The following VAV3 variants were observed in gnomAD, a reference collection of about 807,000 sequenced individuals.
VAV3 encodes guanine nucleotide exchange factor VAV3.
A neutral mutation model predicts 131.2 loss-of-function variants in VAV3; 94 were observed. The observed-to-expected ratio is 0.72, with a 90% CI of 0.61 to 0.85. The LOEUF is 0.85. Ranked by LOEUF, VAV3 falls within the 40% of genes least tolerant of loss-of-function variation. VAV3 has a pLI of 0.00. For synonymous variants in VAV3, 349 were observed against 342.0 expected (o/e 1.02, Z -0.22); for missense variants, 939 against 1,002.7 (o/e 0.94, Z 0.86).
intron 1 of VAV3, among the ~76,000 whole-genome samples, chr1:107,893,314 C>G (rs936628941): frequency 3.5e-4 from 53 of 152,258 alleles, no homozygotes; most frequent in African/African-American, 1.2e-3. Flanking sequence ...TAGGAAAATA[C>G]TTTTCCCAAA....
At chr1:107,656,033 T>C (rs1033607327) in intron 19 of VAV3, among the ~76,000 whole-genome samples, 11 of 151,844 alleles carry the variant, frequency 7.2e-5, no homozygotes, top group Non-Finnish European at 1.3e-4. Flanking sequence ...CTATGGAAAA[T>C]AGTATAGAGC....
intron 26 of VAV3, 86 bp from the exon 27 acceptor site, chr1:107,573,458 TA>T (rs1425658117): frequency 6.5e-7 from 1 of 1,527,806 alleles, no homozygotes; most frequent in African/African-American, 1.4e-5. Context: ...TTTGTTTTCA[TA>T]ACACCCCAAT....
At chr1:107,705,115 A>C in intron 15 of VAV3, 54 bp from the exon 16 acceptor site, 3 of 1,390,284 alleles carry the variant, frequency 2.2e-6, no homozygotes, top group Non-Finnish European at 3.0e-6. Context: ...CAAAGCTGCA[A>C]TTTAGTCATC....
intron 19 of VAV3, among the ~76,000 whole-genome samples, chr1:107,657,931 A>T (rs1432048973): frequency 6.6e-6 from 1 of 152,224 alleles, no homozygotes; most frequent in Non-Finnish European, 1.5e-5. Flanking sequence ...GTACAGCCAT[A>T]CGAGAGGAAA....
intron 19 of VAV3, among the ~76,000 whole-genome samples, chr1:107,658,069 T>C (rs1223716751): frequency 1.3e-5 from 2 of 151,814 alleles, no homozygotes; most frequent in African/African-American, 4.9e-5. Context: ...CTTCAATATC[T>C]CTTTCTAATG....
chr1:107,788,088 T>G (rs566070449), intron 2 of VAV3, among the ~76,000 whole-genome samples: 1 of 152,268 alleles, frequency 6.6e-6, no homozygotes, highest in Admixed American at 6.5e-5. Context: ...CTCCCATGCC[T>G]CTGCTATGTC....
At position 107,765,094 on chromosome 1, in the gene VAV3, A is replaced by G. The variant is rs1664664827; in HGVS notation, c.903T>C (p.Asp301=). ...SLDYISKTKE[D]VKLKLEECSK... ...TAGGCACCTCTAATTTCAGTTTGACATCTTCTTTTGTCTTAGAAATGTAGT... is the reference window on the plus strand; with the variant it reads ...TAGGCACCTCTAATTTCAGTTTGACGTCTTCTTTTGTCTTAGAAATGTAGT... The change falls in exon 9 of 27, where the codon GAT becomes GAC. Residue 301 remains aspartate (D), a synonymous_variant. Transcript: ENST00000370056. 1 of 1,612,892 alleles carries G rather than the reference A, an allele frequency of 6.2e-7. No individual in the cohort carries two copies. The highest frequency in any genetic ancestry group is 1.7e-5 in the Admixed American group (1 of 59,926).
chr1:107,919,089 T>G (rs893401720), intron 1 of VAV3, among the ~76,000 whole-genome samples: 1 of 152,228 alleles, frequency 6.6e-6, no homozygotes, highest in South Asian at 2.1e-4. Flanking sequence ...TCATTGGTTA[T>G]AAATTTATAA....
At chr1:107,700,985 T>C (rs1293680652) in intron 17 of VAV3, among the ~76,000 whole-genome samples, 1 of 152,208 alleles carries the variant, frequency 6.6e-6, no homozygotes, top group African/African-American at 2.4e-5. Context: ...TTTTTAATAA[T>C]TGCCATTCTG....
In VAV3 at chr1:107,798,661, G is replaced by C. The variant is rs576592060; in HGVS notation, c.322-19169C>G. ...GTGAACCCAGGAGGCGGAGGTTGCA[G>C]TGAGCCGAGATCACGCCACTGCACT... On this transcript the variant is annotated intron_variant, in intron 2 of 26. Transcript: ENST00000370056. Among the ~76,000 whole-genome samples the C allele has an allele frequency of 2.2e-5, 3 of 139,408 alleles. No homozygotes were observed. The East Asian group carries it at 6.4e-4, about 30-fold the overall frequency. The allele number at this position is 139,408 out of a possible 152,430, so 91.5% of individuals were successfully genotyped here.
At chr1:107,580,445 AC>A (rs1230131696) in intron 25 of VAV3, among the ~76,000 whole-genome samples, 1 of 152,012 alleles carries the variant, frequency 6.6e-6, no homozygotes, top group Non-Finnish European at 1.5e-5. Context: ...GATGCTGAAC[AC>A]CTATTAAATA....
intron 12 of VAV3, among the ~76,000 whole-genome samples, chr1:107,753,044 G>A (rs1217607678): frequency 6.6e-6 from 1 of 152,050 alleles, no homozygotes; most frequent in Non-Finnish European, 1.5e-5. Context: ...CTGAAAGAAG[G>A]AAGCAACCCA....
chr1:107,735,679 G>T (rs1662574147), intron 15 of VAV3, among the ~76,000 whole-genome samples: 1 of 152,086 alleles, frequency 6.6e-6, no homozygotes, highest in African/African-American at 2.4e-5. Flanking sequence ...TTCCTGAATA[G>T]ACCAATAACA....
Position 107,749,589 on chromosome 1 carries a change from A to G in VAV3, c.1265T>C (p.Ile422Thr). 6.2e-7 allele frequency: 1 copy of G among 1,609,330 alleles called. No individual in the cohort carries two copies. Among genetic ancestry groups the G allele is most frequent in the East Asian group, 2.2e-5 (1 of 44,716 alleles). The change falls in exon 14 of 27, where the codon ATC becomes ACC. Residue 422 changes from isoleucine (I) to threonine (T), a missense_variant. By Grantham distance (89) the Ile-to-Thr change is moderately conservative. Transcript: ENST00000370056. ...GATCACTGCCAAATCAAATAAGAAG[A>G]TATGCCTGGGAAAAAGAGATTGATT... ...LDKHTKQERHIFLFDLAVIVC... is the reference protein window; with the variant it reads ...LDKHTKQERHTFLFDLAVIVC...
intron 2 of VAV3, among the ~76,000 whole-genome samples, chr1:107,796,504 T>C (rs2102287667): frequency 6.6e-6 from 1 of 152,254 alleles, no homozygotes; most frequent in Non-Finnish European, 1.5e-5. Flanking sequence ...ATAGATTCCA[T>C]CCCTAATATG....
intron 1 of VAV3, among the ~76,000 whole-genome samples, chr1:107,930,817 T>C (rs1179238218): frequency 2.0e-5 from 3 of 152,212 alleles, no homozygotes; most frequent in African/African-American, 4.8e-5. Flanking sequence ...TTACCTCTGA[T>C]GTGGAACAAA....
At chr1:107,711,386 A>C (rs1389759935) in intron 15 of VAV3, among the ~76,000 whole-genome samples, 2 of 152,220 alleles carry the variant, frequency 1.3e-5, no homozygotes, top group African/African-American at 4.8e-5. Flanking sequence ...TATTTTTAAA[A>C]AATCCCAGAA....
At chr1:107,863,181 G>A (rs998448355) in intron 2 of VAV3, among the ~76,000 whole-genome samples, 5 of 151,838 alleles carry the variant, frequency 3.3e-5, no homozygotes, top group African/African-American at 4.8e-5. Context: ...TTTTCCCCTC[G>A]CCAGGTTTCC....
chr1:107,703,229 GATAAATTCT>G (rs1228708700), intron 17 of VAV3, among the ~76,000 whole-genome samples: 1 of 152,046 alleles, frequency 6.6e-6, no homozygotes, highest in African/African-American at 2.4e-5. Flanking sequence ...AAATTCAAGT[GATAAATTCT>G]ATTGGGGTGG....
Sources: allele counts gnomAD v4.1 joint callset (sites outside exome capture counted in the v4.1 genomes callset), GRCh38; gene constraint gnomAD v4.1.1; transcripts MANE v1.5; gene names NCBI Gene and HGNC (gene_info 2026-07-23, HGNC 2026-07-21).